Variants in CDYL observed in about 807,000 individuals in gnomAD.
CDYL encodes the protein chromodomain Y-like protein.
CDYL carries 8 observed loss-of-function variants against 47.3 expected under a neutral mutation model. That is an observed-to-expected ratio of 0.17 (90% CI 0.10 to 0.31). The LOEUF (loss-of-function observed/expected upper bound fraction) is 0.31, where lower values mean the gene tolerates loss of function less well. Ranked by LOEUF, CDYL falls within the 10% of genes least tolerant of loss-of-function variation. CDYL has a pLI of 1.00. For synonymous variants in CDYL, 266 were observed against 265.0 expected, an observed-to-expected ratio of 1.00 and a Z score of -0.04; for missense variants, 471 against 701.4, an observed-to-expected ratio of 0.67 and a Z score of 3.71.
chr6:4,820,032 C>A (rs916518979), intron 1 of CDYL, among the ~76,000 whole-genome samples: 2 of 152,024 alleles, frequency 1.3e-5, no homozygotes, highest in African/African-American at 4.8e-5. Context: ...GGAGAGGGGC[C>A]ATCCTAGGCC....
intron 1 of CDYL, among the ~76,000 whole-genome samples, chr6:4,861,109 A>T (rs1761156163): frequency 6.6e-6 from 1 of 152,258 alleles, no homozygotes; most frequent in African/African-American, 2.4e-5. Context: ...GATGCAGAGG[A>T]TCTAAAAATA....
intron 1 of CDYL, among the ~76,000 whole-genome samples, chr6:4,859,371 G>T (rs531990087): frequency 3.9e-5 from 6 of 152,002 alleles, no homozygotes; most frequent in Admixed American, 3.9e-4. Flanking sequence ...TCAGCTGCCC[G>T]GGGTGCCTTG....
At chr6:4,892,985 C>CTGCCTTGGTTG (rs758185392) in intron 2 of CDYL, among the ~76,000 whole-genome samples, 5 of 152,374 alleles carry the variant, frequency 3.3e-5, no homozygotes, top group Non-Finnish European at 7.3e-5. Flanking sequence ...GGTTCTGCAG[C>CTGCCTTGGTTG]TGCCTTGGTT....
At chr6:4,768,180 C>T (rs927569457) in intron 3 of CDYL, among the ~76,000 whole-genome samples, 5 of 152,346 alleles carry the variant, frequency 3.3e-5, no homozygotes, top group South Asian at 2.1e-4. Flanking sequence ...CCAATGCCCT[C>T]TTCACCTAAT....
intron 1 of CDYL, among the ~76,000 whole-genome samples, chr6:4,797,549 G>T (rs1476719012): frequency 2.6e-5 from 4 of 151,666 alleles, no homozygotes; most frequent in African/African-American, 9.7e-5. Flanking sequence ...TCTAATACCA[G>T]AACATTTTTA....
At chr6:4,842,287 TTGTTA>T (rs1405161934) in intron 1 of CDYL, among the ~76,000 whole-genome samples, 2 of 147,806 alleles carry the variant, frequency 1.4e-5, no homozygotes, top group African/African-American at 5.0e-5. Context: ...TTAAGTCCTT[TTGTTA>T]TAAGTTACAG....
chr6:4,721,693 A>G (rs934659518), intron 2 of CDYL, among the ~76,000 whole-genome samples: 3 of 151,772 alleles, frequency 2.0e-5, no homozygotes, highest in African/African-American at 7.3e-5. Context: ...GAACTTCCTA[A>G]GAAACACTTA....
At chr6:4,744,616 T>C (rs1034387606) in intron 3 of CDYL, among the ~76,000 whole-genome samples, 2 of 152,242 alleles carry the variant, frequency 1.3e-5, no homozygotes, top group South Asian at 4.1e-4. Flanking sequence ...TGTCACTGTG[T>C]GCCAGGCAGT....
At chr6:4,916,897 C>T (rs1438087028) in intron 2 of CDYL, among the ~76,000 whole-genome samples, 1 of 152,226 alleles carries the variant, frequency 6.6e-6, no homozygotes, top group Non-Finnish European at 1.5e-5. Flanking sequence ...TGCCACACCT[C>T]CACCTCTGAC....
intron 2 of CDYL, among the ~76,000 whole-genome samples, chr6:4,716,593 A>ATTTTTTTTTTTTTTTTTTTTTTT (rs35154777): frequency 2.5e-5 from 3 of 120,004 alleles, no homozygotes; most frequent in African/African-American, 9.7e-5. Context: ...GGCAGCAATA[A>ATTTTTTTTTTTTTTTTTTTTTTT]TTTTTTTTTT....
intron 3 of CDYL, among the ~76,000 whole-genome samples, chr6:4,769,963 ATTTGTGTGTGTG>A (rs1351899871): frequency 5.5e-4 from 62 of 113,534 alleles, no homozygotes; most frequent in African/African-American, 2.4e-3. Flanking sequence ...CGCCCGGCTA[ATTTGTGTGTGTG>A]TGTGTGTGTG....
intron 1 of CDYL, among the ~76,000 whole-genome samples, chr6:4,875,583 A>G (rs1261646557): frequency 6.6e-6 from 1 of 152,234 alleles, no homozygotes; most frequent in East Asian, 1.9e-4. Context: ...TTCAGTTTAC[A>G]ACTACTATAT....
At chr6:4,806,707 T>A (rs1054998775) in intron 1 of CDYL, among the ~76,000 whole-genome samples, 1 of 152,242 alleles carries the variant, frequency 6.6e-6, no homozygotes, top group African/African-American at 2.4e-5. Context: ...TTCCTCAGTC[T>A]TTCCTTCGAT....
chr6:4,941,084 T>G (rs1250199275), intron 4 of CDYL, among the ~76,000 whole-genome samples: 1 of 152,266 alleles, frequency 6.6e-6, no homozygotes, highest in Non-Finnish European at 1.5e-5. Context: ...TTTAGACTAA[T>G]TATGTGGCAA....
At chr6:4,875,327 A>G (rs1761590344) in intron 1 of CDYL, among the ~76,000 whole-genome samples, 1 of 152,176 alleles carries the variant, frequency 6.6e-6, no homozygotes, top group African/African-American at 2.4e-5. Flanking sequence ...TAAGAGTTTC[A>G]TGGAAATTTG....
At chr6:4,890,169 C>T in intron 1 of CDYL, 2 of 984,896 alleles carry the variant, frequency 2.0e-6, no homozygotes, top group Non-Finnish European at 2.4e-6. Context: ...ACATAGCTTT[C>T]CTACAAGACA....
At chr6:4,827,262 C>G (rs1760006299) in intron 1 of CDYL, among the ~76,000 whole-genome samples, 1 of 152,228 alleles carries the variant, frequency 6.6e-6, no homozygotes. Context: ...TCTCTGCCTT[C>G]TGTCAGAAAA....
At chr6:4,769,954 G>T in intron 3 of CDYL, among the ~76,000 whole-genome samples, 1 of 150,282 alleles carries the variant, frequency 6.7e-6, no homozygotes, top group Middle Eastern at 3.4e-3. Flanking sequence ...CCGCCACCAC[G>T]CCCGGCTAAT....
chr6:4,944,794 C>T (rs1285326605), intron 5 of CDYL, among the ~76,000 whole-genome samples: 1 of 152,164 alleles, frequency 6.6e-6, no homozygotes, highest in Non-Finnish European at 1.5e-5. Flanking sequence ...TCATTATTTG[C>T]AGTGGGAAAA....
Sources: allele counts gnomAD v4.1 joint callset (sites outside exome capture counted in the v4.1 genomes callset), GRCh38; gene constraint gnomAD v4.1.1; transcripts MANE v1.5; gene names NCBI Gene and HGNC (gene_info 2026-07-23, HGNC 2026-07-21).